UBE2V2: variants seen among roughly 807,000 people sequenced by gnomAD.
The protein encoded by UBE2V2 is ubiquitin conjugating enzyme E2 V2.
UBE2V2 carries 9 observed loss-of-function variants against 17.2 expected under a neutral mutation model. The ratio of observed to expected loss-of-function variants is 0.52; its 90% CI spans 0.32 to 0.91. The LOEUF (loss-of-function observed/expected upper bound fraction) is 0.91. UBE2V2 is among the 40% of genes least tolerant of loss of function. UBE2V2 has a pLI of 0.04. For synonymous variants in UBE2V2, 61 were observed against 57.5 expected (o/e 1.06, Z -0.28); for missense variants, 133 against 182.6 (o/e 0.73, Z 1.56).
chr8:48,026,798 T>C (rs1211942901), intron 1 of UBE2V2, among the ~76,000 whole-genome samples: 3 of 152,170 alleles, frequency 2.0e-5, no homozygotes, highest in African/African-American at 7.2e-5. Flanking sequence ...ATACACCACA[T>C]TTTTGTTTAT....
intron 1 of UBE2V2, among the ~76,000 whole-genome samples, chr8:48,028,466 G>A (rs1043979537): frequency 3.3e-5 from 5 of 151,778 alleles, no homozygotes; most frequent in Non-Finnish European, 5.9e-5. Context: ...AGCCTCTCAA[G>A]TAGCTGGGAT....
chr8:48,022,806 G>C (rs939431843), intron 1 of UBE2V2, among the ~76,000 whole-genome samples: 1 of 149,982 alleles, frequency 6.7e-6, no homozygotes, highest in African/African-American at 2.4e-5. Flanking sequence ...TTTCCTGGTC[G>C]CATTTTTTTT....
At chr8:48,008,375 T>C (rs752134740), upstream of UBE2V2, 13 of 1,529,080 alleles carry the variant, frequency 8.5e-6, no homozygotes, top group African/African-American at 1.6e-4. Flanking sequence ...CTGTGACGCG[T>C]GCAGGGCGGC....
intron 1 of UBE2V2, among the ~76,000 whole-genome samples, chr8:48,017,653 G>A (rs150065805): frequency 6.6e-6 from 1 of 152,118 alleles, no homozygotes; most frequent in African/African-American, 2.4e-5. Flanking sequence ...GATTACAGGC[G>A]AGAGCCACCG....
intron 1 of UBE2V2, among the ~76,000 whole-genome samples, chr8:48,036,796 A>G (rs896557205): frequency 2.0e-5 from 3 of 152,244 alleles, no homozygotes; most frequent in Non-Finnish European, 2.9e-5. Context: ...GTGGGGGTAC[A>G]TGTGATCTTT....
chr8:48,033,963 AAAG>A, intron 1 of UBE2V2, among the ~76,000 whole-genome samples: 1 of 152,090 alleles, frequency 6.6e-6, no homozygotes, highest in East Asian at 1.9e-4. Flanking sequence ...TTGCTAAAAA[AAAG>A]AAGAAAGTCC....
intron 1 of UBE2V2, among the ~76,000 whole-genome samples, chr8:48,011,587 A>G (rs2091232025): frequency 1.3e-5 from 2 of 152,264 alleles, no homozygotes; most frequent in Admixed American, 6.5e-5. Context: ...AGTGTGCATC[A>G]TATACCTTAG....
At chr8:48,059,269 G>A (rs1485514325) in intron 3 of UBE2V2, among the ~76,000 whole-genome samples, 1 of 151,822 alleles carries the variant, frequency 6.6e-6, no homozygotes, top group Non-Finnish European at 1.5e-5. Flanking sequence ...GAGGTCAGCT[G>A]TAGATGACAG....
chr8:48,060,307 CT>C (rs769940773), intron 3 of UBE2V2, among the ~76,000 whole-genome samples: 10 of 151,114 alleles, frequency 6.6e-5, no homozygotes, highest in Non-Finnish European at 1.2e-4. Flanking sequence ...AGGTTAGTAG[CT>C]TTTGTCTAAA....
At chr8:48,043,951 C>G (rs1267418317) in intron 2 of UBE2V2, among the ~76,000 whole-genome samples, 1 of 146,862 alleles carries the variant, frequency 6.8e-6, no homozygotes, top group Admixed American at 6.8e-5. Flanking sequence ...ACATTGCATT[C>G]CTTACTTAAT....
At chr8:48,017,983 A>G (rs2091281748) in intron 1 of UBE2V2, among the ~76,000 whole-genome samples, 1 of 151,374 alleles carries the variant, frequency 6.6e-6, no homozygotes, top group African/African-American at 2.4e-5. Context: ...CTACAGGTGC[A>G]CGCCACCATA....
intron 3 of UBE2V2, 123 bp downstream of exon 3, chr8:48,050,101 G>A (rs1227464125): frequency 2.8e-6 from 2 of 723,052 alleles, no homozygotes; most frequent in African/African-American, 3.7e-5. Context: ...TTTAAAAGAG[G>A]ACCTTTGTTA....
chr8:48,014,192 A>G (rs940025054), intron 1 of UBE2V2, among the ~76,000 whole-genome samples: 1 of 152,194 alleles, frequency 6.6e-6, no homozygotes, highest in Non-Finnish European at 1.5e-5. Context: ...ATAATATGGT[A>G]CAACCTCACT....
chr8:48,050,953 C>T (rs1204377297), intron 3 of UBE2V2, among the ~76,000 whole-genome samples: 1 of 152,158 alleles, frequency 6.6e-6, no homozygotes, highest in African/African-American at 2.4e-5. Flanking sequence ...TCAAGTGATT[C>T]TCCCACTTCA....
chr8:48,025,275 T>C (rs2091333847), intron 1 of UBE2V2, among the ~76,000 whole-genome samples: 1 of 147,244 alleles, frequency 6.8e-6, no homozygotes, highest in South Asian at 2.1e-4. Context: ...TTTCTTTTCT[T>C]TTTTTTTTTT....
intron 1 of UBE2V2, among the ~76,000 whole-genome samples, chr8:48,019,226 G>T (rs1269503961): frequency 6.6e-6 from 1 of 152,132 alleles, no homozygotes; most frequent in Non-Finnish European, 1.5e-5. Context: ...TTAGCCAGGT[G>T]TGGTGGCGGG....
chr8:48,060,615 G>A (rs1802578523), intron 3 of UBE2V2, 67 bp from the exon 4 acceptor site: 5 of 1,318,246 alleles, frequency 3.8e-6, no homozygotes, highest in Admixed American at 3.0e-5. Flanking sequence ...ATTAAAATAT[G>A]CTTAACAAAT....
At chr8:48,052,839 A>G (rs1243404092) in intron 3 of UBE2V2, among the ~76,000 whole-genome samples, 1 of 152,112 alleles carries the variant, frequency 6.6e-6, no homozygotes, top group African/African-American at 2.4e-5. Context: ...AGACCTTTGC[A>G]CTTCTGTTCT....
intron 1 of UBE2V2, among the ~76,000 whole-genome samples, chr8:48,033,663 AT>A (rs2091400088): frequency 2.0e-5 from 3 of 152,026 alleles, no homozygotes; most frequent in African/African-American, 7.2e-5. Context: ...GCAAACTCTT[AT>A]TAAAAGTCCT....
Sources: gnomAD v4.1 joint callset for allele counts (sites outside exome capture counted in the v4.1 genomes callset) on GRCh38, gnomAD v4.1.1 for gene constraint, MANE v1.5 for transcripts, NCBI Gene and HGNC (gene_info 2026-07-23, HGNC 2026-07-21) for gene names.